Variants in PROSER3 observed in about 807,000 individuals in gnomAD.
PROSER3 encodes the protein proline and serine rich 3.
In PROSER3, 33 loss-of-function variants were observed where a neutral mutation model predicts 50.2. That is an observed-to-expected ratio of 0.66 (90% CI 0.50 to 0.88). The LOEUF (loss-of-function observed/expected upper bound fraction) is 0.88, where lower values mean the gene tolerates loss of function less well. Ranked by LOEUF, PROSER3 falls within the 40% of genes least tolerant of loss-of-function variation. The probability of loss-of-function intolerance (pLI) is 0.00; values close to 1 mark genes in which losing one functional copy is unlikely to be tolerated. For synonymous variants in PROSER3, 266 were observed against 259.3 expected (o/e 1.03, Z -0.25); for missense variants, 623 against 612.7 (o/e 1.02, Z -0.18).
intron 7 of PROSER3, among the ~76,000 whole-genome samples, chr19:35,766,534 A>G (rs1971146677): frequency 6.6e-6 from 1 of 152,042 alleles, no homozygotes; most frequent in Non-Finnish European, 1.5e-5. Context: ...ACAAGACTAT[A>G]TATATATAAT....
chr19:35,767,891 C>T (rs1568414668), exon 9 of PROSER3: 1 of 1,613,230 alleles, frequency 6.2e-7, no homozygotes, highest in Non-Finnish European at 8.5e-7. Flanking sequence ...TGGAGCCTGC[C>T]TGCAGCCCGA....
chr19:35,758,216 A>G (rs1251901922), exon 1 of PROSER3: 5 of 1,561,984 alleles, frequency 3.2e-6, no homozygotes, highest in Non-Finnish European at 3.5e-6. Flanking sequence ...GAGCCGCGGG[A>G]TGGACCGCAG....
chr19:35,765,399 C>G (rs1971110582), intron 7 of PROSER3, among the ~76,000 whole-genome samples: 1 of 152,092 alleles, frequency 6.6e-6, no homozygotes, highest in Admixed American at 6.6e-5. Context: ...CCGGTATCTA[C>G]TAAAAATACA....
intron 1 of PROSER3, 180 bp from the exon 2 acceptor site, chr19:35,759,194 C>A: frequency 1.7e-6 from 1 of 595,050 alleles, no homozygotes; most frequent in Non-Finnish European, 3.0e-6. Context: ...CAGGGGCGGG[C>A]TCCCAGGACT....
Position 35,766,896 on chromosome 19 carries a change from CAG to C in PROSER3, c.899_900del (p.Gln300ArgfsTer5). On this transcript the variant is annotated frameshift_variant, in exon 8 of 11. Coordinates refer to ENST00000396908, the Ensembl canonical transcript of PROSER3. LOFTEE classifies it high-confidence loss of function. ...GCAGCGGCGGAAGCTTGAACAGGCT[CAG>C]GGAAGCAAGGGTGACAGAGCTTGGG... is the stretch of plus-strand genomic sequence containing the variant. The C allele has an allele frequency of 6.4e-7, 1 of 1,553,290 alleles. No individual in the cohort carries two copies. Among genetic ancestry groups the C allele is most frequent in the Non-Finnish European group, 8.7e-7 (1 of 1,147,848 alleles).
chr19:35,770,850 T>C (rs989107634), downstream of PROSER3: 3 of 151,300 alleles, frequency 2.0e-5, no homozygotes, highest in Non-Finnish European at 4.4e-5. Context: ...TTTCTCTCTC[T>C]TTCTCTCTCT....
At chr19:35,768,026 C>T in exon 9 of PROSER3, 13 of 1,583,672 alleles carry the variant, frequency 8.2e-6, no homozygotes, top group South Asian at 3.4e-5. Context: ...CTCGGAGGCC[C>T]TGCTTGCCCA....
chr19:35,759,044 C>G (rs1000499931), intron 1 of PROSER3: 1 of 231,534 alleles, frequency 4.3e-6, no homozygotes, highest in Non-Finnish European at 8.6e-6. Flanking sequence ...GAGGCCCAGC[C>G]CCACTAATAG....
chr19:35,768,039 CCGCCCTGCTGCTGCAGGCTGCAGA>C (rs1971227671), exon 9 of PROSER3: 4 of 1,580,758 alleles, frequency 2.5e-6, no homozygotes, highest in Non-Finnish European at 3.4e-6. Flanking sequence ...CTTGCCCAGG[CCGCCCTGCTGCTGCAGGCTGCAGA>C]AGGTGATGCC....
intron 8 of PROSER3, 26 bp downstream of exon 8, chr19:35,766,981 G>T (rs1599756813): frequency 2.6e-6 from 4 of 1,534,356 alleles, no homozygotes; most frequent in African/African-American, 2.7e-5. Flanking sequence ...GAGGAGCCTG[G>T]GGGGAGCTGG....
chr19:35,764,714 C>T, intron 5 of PROSER3, 140 bp from the exon 6 acceptor site: 1 of 693,544 alleles, frequency 1.4e-6, no homozygotes, highest in East Asian at 2.8e-5. Context: ...GTCTCTCCTC[C>T]CTGAGGAGGA....
chr19:35,759,826 C>T (rs1276970434), exon 3 of PROSER3: 14 of 1,571,858 alleles, frequency 8.9e-6, no homozygotes, highest in Non-Finnish European at 1.1e-5. Context: ...TCCAGGCTCC[C>T]ACAAGCTCCC....
At chr19:35,760,023 G>C in intron 3 of PROSER3, 32 bp downstream of exon 3, 1 of 1,511,330 alleles carries the variant, frequency 6.6e-7, no homozygotes, top group Non-Finnish European at 8.9e-7. Context: ...GGAAAAAGAG[G>C]CTTTGGGTTA....
chr19:35,760,358 C>A (rs1340507341), intron 3 of PROSER3, among the ~76,000 whole-genome samples: 1 of 152,168 alleles, frequency 6.6e-6, no homozygotes, highest in Non-Finnish European at 1.5e-5. Context: ...GCTGGGATTA[C>A]GATGCATGCC....
chr19:35,761,757 A>G (rs1970958346), intron 3 of PROSER3, among the ~76,000 whole-genome samples: 1 of 152,142 alleles, frequency 6.6e-6, no homozygotes, highest in South Asian at 2.1e-4. Flanking sequence ...GCTACCCAGG[A>G]GGCTGAGGAG....
chr19:35,768,659 G>A (rs1358037034), exon 11 of PROSER3: 12 of 1,346,468 alleles, frequency 8.9e-6, no homozygotes, highest in Non-Finnish European at 2.0e-6. Flanking sequence ...GCCAATTTAA[G>A]GAAATGCCCC....
chr19:35,766,177 A>G (rs1260305057), intron 7 of PROSER3, among the ~76,000 whole-genome samples: 1 of 151,634 alleles, frequency 6.6e-6, no homozygotes, highest in Non-Finnish European at 1.5e-5. Context: ...CGGGTGGGGG[A>G]GTGGGTAGAT....
At chr19:35,765,046 C>A (rs370252048) in exon 7 of PROSER3, 319 of 1,608,596 alleles carry the variant, frequency 2.0e-4, no homozygotes, top group Non-Finnish European at 2.6e-4. Context: ...AAGCCTCCAT[C>A]TCCTCCTCCT....
At chr19:35,763,466 A>G (rs1971025335) in intron 5 of PROSER3, among the ~76,000 whole-genome samples, 1 of 150,106 alleles carries the variant, frequency 6.7e-6, no homozygotes, top group South Asian at 2.1e-4. Context: ...TCAGCCTCCC[A>G]AAGTGCTAGG....
Sources: gnomAD v4.1 joint callset for allele counts (sites outside exome capture counted in the v4.1 genomes callset) on GRCh38, gnomAD v4.1.1 for gene constraint, MANE v1.5 for transcripts, NCBI Gene and HGNC (gene_info 2026-07-23, HGNC 2026-07-21) for gene names.